The following LGI1 variants were observed in gnomAD, a reference collection of about 807,000 sequenced individuals.
The protein encoded by LGI1 is leucine-rich glioma-inactivated protein 1.
LGI1 carries 11 observed loss-of-function variants against 57.7 expected under a neutral mutation model. That is an observed-to-expected ratio of 0.19 (90% confidence interval 0.12 to 0.32). LGI1 has a LOEUF of 0.32. Among genes scored for constraint, LGI1 ranks in the 10% least tolerant of loss-of-function variants. The pLI, the probability that LGI1 is intolerant of heterozygous loss-of-function variation, is 1.00. For missense variants in LGI1, 422 were observed against 661.9 expected (o/e 0.64, Z 3.98); for synonymous variants, 222 against 241.9 (o/e 0.92, Z 0.76).
rs148716896 is a variant in LGI1, at chr10:93,774,262, G to A, written c.288-3117G>A. 2.1e-3 allele frequency among the ~76,000 whole-genome samples: 326 copies of A among 152,150 alleles called. 1 individual carries two copies. Among genetic ancestry groups the A allele is most frequent in the Non-Finnish European group, 4.1e-3 (281 of 67,996 alleles). On this transcript the variant is annotated intron_variant, in intron 2 of 7. Transcript: ENST00000371418. ...TTTAGTAACCCAGGTGACACCCCAC[G>A]TTTAGAATTTAACCAGAATCTCCAG...
chr10:93,775,203 CA>C (rs907779728), intron 2 of LGI1, among the ~76,000 whole-genome samples: 1 of 152,100 alleles, frequency 6.6e-6, no homozygotes, highest in Non-Finnish European at 1.5e-5. Context: ...ATCATTACCC[CA>C]AAAGATGCCC....
At chr10:93,785,806 C>G (rs1020518305) in intron 4 of LGI1, among the ~76,000 whole-genome samples, 1 of 19,484 alleles carries the variant, frequency 5.1e-5, no homozygotes, top group African/African-American at 5.6e-5. Context: ...TAAAATAACC[C>G]TAACCCTAAC....
intron 2 of LGI1, among the ~76,000 whole-genome samples, chr10:93,776,629 G>A (rs1462464707): frequency 6.6e-6 from 1 of 152,058 alleles, no homozygotes; most frequent in Admixed American, 6.6e-5. Context: ...ATATATTCTT[G>A]TACTGTTTGG....
chr10:93,772,141 T>C (rs560488130), intron 2 of LGI1: 21 of 152,030 alleles, frequency 1.4e-4, no homozygotes, highest in Non-Finnish European at 3.1e-4. Context: ...TAGGAAAAGA[T>C]GAAGTAATAT....
chr10:93,776,234 T>G (rs1333755674), intron 2 of LGI1, among the ~76,000 whole-genome samples: 2 of 152,222 alleles, frequency 1.3e-5, no homozygotes, highest in African/African-American at 4.8e-5. Flanking sequence ...CATCTCATTT[T>G]GTTTGGTTGG....
intron 4 of LGI1, among the ~76,000 whole-genome samples, chr10:93,780,625 C>T (rs142812141): frequency 6.1e-4 from 93 of 152,258 alleles, no homozygotes; most frequent in African/African-American, 2.1e-3. Flanking sequence ...CATAGATGAA[C>T]GAGCAAGTGG....
Position 93,797,630 on chromosome 10 carries a change from G to A in LGI1, c.1501G>A (p.Val501Met). 1 of 1,614,118 alleles carries A rather than the reference G, an allele frequency of 6.2e-7. No individual in the cohort carries two copies. The highest frequency in any genetic ancestry group is 8.5e-7 in the Non-Finnish European group (1 of 1,180,004). ...TGGAAGTGATTACTCCTTTACTCAA[G>A]TGTATAACTGGGATGCAGAGAAAGC... ...ILGSDYSFTQ[V>M]YNWDAEKAKF... The change falls in exon 8 of 8, where the codon GTG becomes ATG. Residue 501 changes from valine (V) to methionine (M), a missense_variant. Physicochemically the swap from Val to Met is conservative, Grantham distance 21 (BLOSUM62 1). Transcript: ENST00000371418. The surrounding 1 kb of genome is among the most constrained non-coding windows in gnomAD (Gnocchi z 6.5).
chr10:93,784,365 C>T (rs910084685), intron 4 of LGI1, among the ~76,000 whole-genome samples: 1 of 152,176 alleles, frequency 6.6e-6, no homozygotes, highest in Non-Finnish European at 1.5e-5. Context: ...GAAGCCATAG[C>T]CTCTCAGTGA....
chr10:93,787,936 T>C (rs1657742610), intron 4 of LGI1, among the ~76,000 whole-genome samples: 1 of 151,596 alleles, frequency 6.6e-6, no homozygotes, highest in Non-Finnish European at 1.5e-5. Context: ...GAATTCCCCT[T>C]GGACAGTAAG....
chr10:93,790,035 T>G, intron 4 of LGI1, 64 bp from the exon 5 acceptor site: 1 of 1,463,628 alleles, frequency 6.8e-7, no homozygotes, highest in Non-Finnish European at 9.3e-7. Flanking sequence ...CTAAGCTTTA[T>G]CATTAAATGC....
intron 2 of LGI1, chr10:93,769,684 T>C (rs1258557570): frequency 6.6e-6 from 1 of 152,270 alleles, no homozygotes; most frequent in Non-Finnish European, 1.5e-5. Flanking sequence ...CATACAATAA[T>C]AACTGGCAGT....
rs2059893566 is a variant in LGI1 at position 93,786,607 on chromosome 10, T to C, written c.432-3492T>C. Among the ~76,000 whole-genome samples, 2 of 46,130 alleles carry C rather than the reference T, an allele frequency of 4.3e-5. 1 individual carries two copies. The allele number at this position is 46,130 out of a possible 152,430, so 30.3% of individuals were successfully genotyped here. ...TATCTCTTTGTTGTTGTTGTTGTTG[T>C]TGTTTTTGAAACAAGGTCTCACTCT... On this transcript the variant is annotated intron_variant, in intron 4 of 7. Coordinates refer to ENST00000371418, the MANE Select transcript of LGI1 (RefSeq NM_005097.4).
intron 7 of LGI1, among the ~76,000 whole-genome samples, chr10:93,795,734 T>C (rs987109268): frequency 1.3e-4 from 20 of 152,212 alleles, no homozygotes. Context: ...TCACACGCAA[T>C]GAGCCAATCA....
chr10:93,788,798 T>C (rs2059910831), intron 4 of LGI1: 3 of 152,172 alleles, frequency 2.0e-5, no homozygotes, highest in African/African-American at 2.4e-5. Flanking sequence ...ATTTAATTAG[T>C]GGAGGTAGAA....
intron 2 of LGI1, chr10:93,771,433 C>T (rs1216615381): frequency 6.6e-6 from 1 of 151,900 alleles, no homozygotes; most frequent in Admixed American, 6.6e-5. Flanking sequence ...AGTCAAATAC[C>T]GCATGTTTTC....
intron 4 of LGI1, among the ~76,000 whole-genome samples, chr10:93,780,713 G>A (rs1364468960): frequency 2.0e-5 from 3 of 152,126 alleles, no homozygotes; most frequent in Admixed American, 6.5e-5. Flanking sequence ...TTGATGAGAC[G>A]TCCAGTGCTA....
At chr10:93,767,205 T>C (rs1408164321) in intron 2 of LGI1, 2 of 152,214 alleles carry the variant, frequency 1.3e-5, no homozygotes, top group Non-Finnish European at 2.9e-5. Context: ...CTCTCATTTA[T>C]ATGTGTAAGC....
rs1564850206 is a variant in LGI1 at position 93,789,796 on chromosome 10, C to T, written c.432-303C>T. The T allele has an allele frequency of 3.4e-5, 10 of 292,912 alleles. 1 individual carries two copies. The South Asian group carries it at 3.7e-4, about 11-fold the overall frequency. 18.1% of individuals were successfully genotyped at this position (292,912 alleles called of 1,614,324 possible). A position where few individuals can be genotyped will look rare whatever the true frequency, so the allele number is the denominator to read the frequency against. On this transcript the variant is annotated intron_variant, in intron 4 of 7. Coordinates refer to ENST00000371418, the MANE Select transcript of LGI1 (RefSeq NM_005097.4). ...CTAAGGCAGGAAAATCACTTGAACC[C>T]GGGAGGCAGAGGTTTCAGTGAGCTG...
chr10:93,790,742 A>G (rs1352340019), intron 5 of LGI1: 1 of 152,498 alleles, frequency 6.6e-6, no homozygotes, highest in Admixed American at 6.5e-5. Flanking sequence ...TTTTTCAAAC[A>G]AAAGAGCTTT....
Sources: allele counts gnomAD v4.1 joint callset (sites outside exome capture counted in the v4.1 genomes callset), GRCh38; gene constraint gnomAD v4.1.1; non-coding constraint Gnocchi (gnomAD v3.1); transcripts MANE v1.5; gene names NCBI Gene and HGNC (gene_info 2026-07-23, HGNC 2026-07-21).